Variants in ERAP2 observed in about 807,000 individuals in gnomAD.
ERAP2 encodes leukocyte-derived arginine aminopeptidase.
A neutral mutation model predicts 111.1 loss-of-function variants in ERAP2; 118 were observed. The observed-to-expected ratio is 1.06, with a 90% CI of 0.92 to 1.24. The LOEUF (loss-of-function observed/expected upper bound fraction) is 1.24. Ranked by LOEUF, ERAP2 falls within the 50% of genes most tolerant of loss-of-function variation. The pLI, the probability that ERAP2 is intolerant of heterozygous loss-of-function variation, is 0.00. For missense variants in ERAP2, 1,131 were observed against 1,125.8 expected (o/e 1.00, Z -0.07); for synonymous variants, 410 against 401.2 (o/e 1.02, Z -0.26).
chr5:96,884,012 G>T, intron 3 of ERAP2, 82 bp downstream of exon 3: 1 of 1,315,080 alleles, frequency 7.6e-7, no homozygotes, highest in Middle Eastern at 1.9e-4. Context: ...TTGCTTTCAG[G>T]ATTTCAGCCA....
At chr5:96,883,137 A>G (rs572635840) in intron 2 of ERAP2, among the ~76,000 whole-genome samples, 3 of 152,186 alleles carry the variant, frequency 2.0e-5, no homozygotes, top group Non-Finnish European at 4.4e-5. Context: ...GTACAAGAAT[A>G]TGAAAGTCCA....
intron 13 of ERAP2, among the ~76,000 whole-genome samples, chr5:96,904,767 A>G (rs1223828648): frequency 6.6e-6 from 1 of 152,226 alleles, no homozygotes; most frequent in Non-Finnish European, 1.5e-5. Context: ...TAGTTGTGAA[A>G]TCTTTTTTGC....
intron 14 of ERAP2, among the ~76,000 whole-genome samples, 179 bp from the exon 15 acceptor site, chr5:96,909,401 A>T (rs895104256): frequency 2.0e-5 from 3 of 152,150 alleles, no homozygotes; most frequent in Admixed American, 6.6e-5. Flanking sequence ...AAATGCAAAA[A>T]CTGTTTCCTA....
intron 9 of ERAP2, among the ~76,000 whole-genome samples, chr5:96,898,444 T>C (rs749353195): frequency 2.0e-5 from 3 of 151,830 alleles, no homozygotes; most frequent in African/African-American, 7.3e-5. Context: ...AGTTTTTACT[T>C]ACAAAAATAC....
At position 96,901,547 on chromosome 5, in the gene ERAP2, G is replaced by A. The variant is rs143505160; in HGVS notation, c.1614G>A (p.Met538Ile). 3.3e-5 allele frequency: 53 copies of A among 1,613,852 alleles called. No homozygotes were observed. Among genetic ancestry groups the A allele is most frequent in the Non-Finnish European group, 4.1e-5 (48 of 1,179,906 alleles). ...LGENAEVKEM[M>I]TTWTLQKGIP... Reference sequence around the variant, plus strand: ...AAAATGCAGAGGTCAAAGAGATGATGACTACATGGACTCTCCAGAAAGGAA... The same window carrying A: ...AAAATGCAGAGGTCAAAGAGATGATAACTACATGGACTCTCCAGAAAGGAA... The change falls in exon 11 of 19, where the codon ATG (methionine) becomes ATA (isoleucine). Residue 538 changes from methionine (M) to isoleucine (I), a missense_variant. Met to Ile is a conservative substitution (Grantham distance 10). Coordinates refer to ENST00000437043, the MANE Select transcript of ERAP2 (RefSeq NM_022350.5).
chr5:96,880,611 T>A (rs1783024559), intron 2 of ERAP2, among the ~76,000 whole-genome samples: 1 of 152,154 alleles, frequency 6.6e-6, no homozygotes, highest in African/African-American at 2.4e-5. Context: ...CAGAAGGAAA[T>A]GTAAGTGAGA....
rs369108072 is a variant in ERAP2, at chr5:96,903,563, A to G, written c.2012+3A>G. On this transcript the variant is annotated splice_donor_region_variant and intron_variant, in intron 13 of 18. Transcript: ENST00000437043. ...CATGATGTGTTTCAGCTAGTTGGGT[A>G]AGGCAACATTTCCTCTGACTTCATG... 23 of 1,589,098 alleles carry G rather than the reference A, an allele frequency of 1.4e-5. No homozygotes were observed. Among genetic ancestry groups the G allele is most frequent in the Middle Eastern group, 1.7e-4 (1 of 5,978 alleles).
intron 17 of ERAP2, among the ~76,000 whole-genome samples, chr5:96,913,749 CCCTTCTTGGCT>C (rs1787063714): frequency 6.6e-6 from 1 of 152,206 alleles, no homozygotes; most frequent in African/African-American, 2.4e-5. Flanking sequence ...CTCCCACCAT[CCCTTCTTGGCT>C]CTCTCCTCAG....
chr5:96,910,734 T>C (rs1786646169), intron 15 of ERAP2, among the ~76,000 whole-genome samples: 1 of 152,244 alleles, frequency 6.6e-6, no homozygotes, highest in Non-Finnish European at 1.5e-5. Flanking sequence ...TGATTAAATA[T>C]TGTTGGTTTT....
At chr5:96,899,682 G>A (rs1785247418) in intron 9 of ERAP2, among the ~76,000 whole-genome samples, 1 of 152,184 alleles carries the variant, frequency 6.6e-6, no homozygotes, top group African/African-American at 2.4e-5. Context: ...GGTAAACAAA[G>A]GTGTTTCCCC....
intron 4 of ERAP2, among the ~76,000 whole-genome samples, chr5:96,888,515 G>A (rs1783998297): frequency 6.6e-6 from 1 of 152,210 alleles, no homozygotes; most frequent in South Asian, 2.1e-4. Context: ...TCAGCACAGT[G>A]CCTGGTAAAC....
At chr5:96,911,839 C>A (rs1286911934) in intron 15 of ERAP2, among the ~76,000 whole-genome samples, 2 of 125,406 alleles carry the variant, frequency 1.6e-5, no homozygotes, top group African/African-American at 6.3e-5. Context: ...TGCACTCCAA[C>A]CTGAACAACA....
chr5:96,891,510 TATATATGCCCATATAC>T (rs1366563506), intron 5 of ERAP2, among the ~76,000 whole-genome samples: 5 of 31,302 alleles, frequency 1.6e-4, no homozygotes, highest in African/African-American at 3.7e-4. Flanking sequence ...TATATATATA[TATATATGCCCATATAC>T]GGTATATATA....
chr5:96,911,586 A>G (rs74852048), intron 15 of ERAP2, among the ~76,000 whole-genome samples: 6,283 of 152,164 alleles, frequency 0.041, 256 homozygotes, highest in East Asian at 0.13. Flanking sequence ...GACAGGCCTC[A>G]GAAAATGCTC....
chr5:96,887,969 A>G (rs1783935148), intron 4 of ERAP2, among the ~76,000 whole-genome samples: 1 of 152,014 alleles, frequency 6.6e-6, no homozygotes, highest in Non-Finnish European at 1.5e-5. Context: ...TACTAAAAAT[A>G]CAAAAATTAG....
At chr5:96,912,182 C>A (rs1375090936) in intron 15 of ERAP2, among the ~76,000 whole-genome samples, 1 of 140,644 alleles carries the variant, frequency 7.1e-6, no homozygotes, top group Non-Finnish European at 1.5e-5. Context: ...CAGTGAGACT[C>A]CACCTCAAAA....
chr5:96,904,698 C>T (rs1785852904), intron 13 of ERAP2, among the ~76,000 whole-genome samples: 1 of 152,176 alleles, frequency 6.6e-6, no homozygotes, highest in Admixed American at 6.5e-5. Context: ...GATAGATTAA[C>T]AATGCAAGAC....
chr5:96,889,914 T>C (rs1442523029), intron 5 of ERAP2, among the ~76,000 whole-genome samples: 3 of 152,090 alleles, frequency 2.0e-5, no homozygotes, highest in Non-Finnish European at 4.4e-5. Context: ...CCATACCTTA[T>C]TTGTACAAGG....
At chr5:96,916,646 T>C (rs1787433700) in intron 18 of ERAP2, among the ~76,000 whole-genome samples, 1 of 151,702 alleles carries the variant, frequency 6.6e-6, no homozygotes, top group Non-Finnish European at 1.5e-5. Context: ...TTGTATTTTT[T>C]TTTAGTAGAG....
Sources: gnomAD v4.1 joint callset for allele counts (sites outside exome capture counted in the v4.1 genomes callset) on GRCh38, gnomAD v4.1.1 for gene constraint, MANE v1.5 for transcripts, NCBI Gene and HGNC (gene_info 2026-07-23, HGNC 2026-07-21) for gene names.